The following THSD7A variants were observed in gnomAD, a reference collection of about 807,000 sequenced individuals.
THSD7A encodes the protein thrombospondin type-1 domain-containing protein 7A.
A neutral mutation model predicts 231.3 loss-of-function variants in THSD7A; 96 were observed. The observed-to-expected ratio is 0.41, with a 90% CI of 0.35 to 0.49. THSD7A has a LOEUF of 0.49. Among genes scored for constraint, THSD7A ranks in the 20% least tolerant of loss-of-function variants. The pLI, the probability that THSD7A is intolerant of heterozygous loss-of-function variation, is 0.05. For synonymous variants in THSD7A, 940 were observed against 743.3 expected (o/e 1.26, Z -4.30); for missense variants, 2,290 against 2,070.2 (o/e 1.11, Z -2.06).
At chr7:11,648,559 A>T (rs1259607827) in intron 1 of THSD7A, among the ~76,000 whole-genome samples, 1 of 151,864 alleles carries the variant, frequency 6.6e-6, no homozygotes, top group Non-Finnish European at 1.5e-5. Flanking sequence ...CTTAGAATAG[A>T]CAACTCCAGC....
chr7:11,524,818 T>G (rs1239017498), intron 6 of THSD7A, among the ~76,000 whole-genome samples: 2 of 152,186 alleles, frequency 1.3e-5, no homozygotes, highest in Admixed American at 1.3e-4. Context: ...TCAGGATATA[T>G]GGTTAATGTA....
intron 13 of THSD7A, among the ~76,000 whole-genome samples, 155 bp downstream of exon 13, chr7:11,445,906 G>C (rs1277027214): frequency 6.6e-6 from 1 of 152,000 alleles, no homozygotes; most frequent in Non-Finnish European, 1.5e-5. Flanking sequence ...TGAATGTCCT[G>C]TTACATATAA....
At chr7:11,538,322 A>G (rs1009178303) in intron 6 of THSD7A, among the ~76,000 whole-genome samples, 1 of 152,212 alleles carries the variant, frequency 6.6e-6, no homozygotes, top group Non-Finnish European at 1.5e-5. Flanking sequence ...AATAGCACAC[A>G]TGATAAGGAA....
At position 11,680,860 on chromosome 7, in the gene THSD7A, T is replaced by C. The variant is rs374796110; in HGVS notation, c.191-43899A>G. Among the ~76,000 whole-genome samples, 6 of 152,058 alleles carry C rather than the reference T, an allele frequency of 3.9e-5. No individual in the cohort carries two copies. The East Asian group carries it at 5.8e-4, about 15-fold the overall frequency. On this transcript the variant is annotated intron_variant, in intron 1 of 27. Coordinates refer to ENST00000423059, the MANE Select transcript of THSD7A (RefSeq NM_015204.3). ...GCAATCCCATCACCGAGTGTATACC[T>C]AAAGAATTATATATTATTCTACTGT... is the stretch of plus-strand genomic sequence containing the variant.
At chr7:11,389,776 C>T in intron 23 of THSD7A, among the ~76,000 whole-genome samples, 1 of 151,950 alleles carries the variant, frequency 6.6e-6, no homozygotes, top group East Asian at 1.9e-4. Flanking sequence ...ATGTTCAGTG[C>T]TTCCTTCAGG....
intron 6 of THSD7A, among the ~76,000 whole-genome samples, chr7:11,534,634 C>A (rs576973785): frequency 4.6e-5 from 7 of 152,066 alleles, no homozygotes; most frequent in Non-Finnish European, 8.8e-5. Context: ...TGTTACCTAG[C>A]AATAGTTAAA....
intron 2 of THSD7A, among the ~76,000 whole-genome samples, chr7:11,633,088 A>T (rs2526104): frequency 0.92 from 139,467 of 152,226 alleles, 63,971 homozygotes; most frequent in East Asian, 1. Context: ...TATTTTATAA[A>T]TCTCCTCCAT....
chr7:11,546,297 C>A (rs906397452), intron 4 of THSD7A, among the ~76,000 whole-genome samples: 4 of 152,108 alleles, frequency 2.6e-5, no homozygotes, highest in Admixed American at 1.3e-4. Flanking sequence ...ACCCCATTGT[C>A]ACCACCCCAA....
intron 1 of THSD7A, among the ~76,000 whole-genome samples, chr7:11,771,218 A>G (rs916870189): frequency 2.6e-5 from 4 of 151,302 alleles, no homozygotes; most frequent in Admixed American, 2.0e-4. Context: ...AAAAATTTAC[A>G]TTGGAATTTT....
intron 14 of THSD7A, among the ~76,000 whole-genome samples, chr7:11,427,917 G>A (rs1161303226): frequency 6.6e-6 from 1 of 152,084 alleles, no homozygotes; most frequent in Non-Finnish European, 1.5e-5. Flanking sequence ...GATAAAATCA[G>A]CAACTTCACT....
intron 1 of THSD7A, among the ~76,000 whole-genome samples, chr7:11,663,457 AAAAAC>A (rs1783009036): frequency 6.6e-6 from 1 of 151,560 alleles, no homozygotes; most frequent in Non-Finnish European, 1.5e-5. Flanking sequence ...AAACAAAAAC[AAAAAC>A]AAAAGAAGCC....
chr7:11,424,552 T>C lies in THSD7A; in HGVS notation c.3383+144A>G, dbSNP rs1195341703. The C allele has an allele frequency of 1.9e-4, 210 of 1,127,178 alleles. 1 individual carries two copies. The highest frequency in any genetic ancestry group is 5.1e-6 in the Non-Finnish European group (4 of 790,240). The allele number at this position is 1,127,178 out of a possible 1,614,324, so 69.8% of individuals were successfully genotyped here. On this transcript the variant is annotated intron_variant, in intron 16 of 27. Transcript: ENST00000423059. ...CTTGAAGCAGATTCTCTTAGAGTTT[T>C]CTATGAGCACAGATTCCCTAAAAGC...
intron 1 of THSD7A, among the ~76,000 whole-genome samples, chr7:11,648,348 C>A (rs909014631): frequency 6.6e-6 from 1 of 151,918 alleles, no homozygotes; most frequent in Non-Finnish European, 1.5e-5. Context: ...TTAAGAAATC[C>A]CTTATGAGCC....
At chr7:11,388,889 G>T (rs529579615) in intron 23 of THSD7A, among the ~76,000 whole-genome samples, 1 of 152,144 alleles carries the variant, frequency 6.6e-6, no homozygotes, top group African/African-American at 2.4e-5. Context: ...GGAGCAGGTT[G>T]TTCAGTTTCC....
At chr7:11,756,884 T>G (rs1196677636) in intron 1 of THSD7A, among the ~76,000 whole-genome samples, 9 of 152,000 alleles carry the variant, frequency 5.9e-5, no homozygotes, top group Admixed American at 5.9e-4. Flanking sequence ...TGAAGTTGTT[T>G]CTAGGGTTTT....
chr7:11,682,472 G>C (rs546670349), intron 1 of THSD7A, among the ~76,000 whole-genome samples: 9 of 151,988 alleles, frequency 5.9e-5, no homozygotes, highest in Admixed American at 5.3e-4. Context: ...AGATAAAACA[G>C]TCTTAAACCA....
intron 1 of THSD7A, among the ~76,000 whole-genome samples, chr7:11,717,602 T>C (rs1781184449): frequency 6.6e-6 from 1 of 151,648 alleles, no homozygotes; most frequent in Admixed American, 6.6e-5. Flanking sequence ...ACATCTGGCC[T>C]GCCTCTGTGG....
At chr7:11,543,454 C>T (rs569152409) in intron 4 of THSD7A, among the ~76,000 whole-genome samples, 2 of 152,208 alleles carry the variant, frequency 1.3e-5, no homozygotes, top group South Asian at 2.1e-4. Flanking sequence ...TAGCAATATT[C>T]TAAGAAAGTA....
intron 2 of THSD7A, among the ~76,000 whole-genome samples, chr7:11,635,825 C>A: frequency 6.7e-6 from 1 of 150,228 alleles, no homozygotes; most frequent in East Asian, 2.0e-4. Flanking sequence ...ATTTTTTTTT[C>A]TATTATAGGG....
Sources: allele counts gnomAD v4.1 joint callset (sites outside exome capture counted in the v4.1 genomes callset), GRCh38; gene constraint gnomAD v4.1.1; transcripts MANE v1.5; gene names NCBI Gene and HGNC (gene_info 2026-07-23, HGNC 2026-07-21).